ACAP3: variants seen among roughly 807,000 people sequenced by gnomAD.
The protein encoded by ACAP3 is arf-GAP with coiled-coil, ANK repeat and PH domain-containing protein 3.
In ACAP3, 56 loss-of-function variants were observed where a neutral mutation model predicts 104.1. That is an observed-to-expected ratio of 0.54 (90% CI 0.43 to 0.67). The LOEUF is 0.67. Among genes scored for constraint, ACAP3 ranks in the 30% least tolerant of loss-of-function variants. The pLI is 0.00. For synonymous variants in ACAP3, 628 were observed against 496.2 expected, an observed-to-expected ratio of 1.27 and a Z score of -3.53; for missense variants, 1,208 against 1,174.9, an observed-to-expected ratio of 1.03 and a Z score of -0.41.
At chr1:1,304,187 C>T (rs1018614338) in intron 1 of ACAP3, 44 bp from the exon 2 acceptor site, 4 of 1,549,366 alleles carry the variant, frequency 2.6e-6, no homozygotes, top group Non-Finnish European at 2.6e-6. Flanking sequence ...GCAGCCTCAG[C>T]CCCCTCGGGG....
Position 1,293,437 on chromosome 1 carries a change from A to G in ACAP3, c.*127T>C, listed in dbSNP as rs2100376385. The stretch of plus-strand genomic sequence containing the variant: ...TGGGCGAGCAGGGCCGCGGCGCCCC[A>G]GCACTGGGGCTGCCAGGTATCGACC... On this transcript the variant is annotated 3_prime_UTR_variant, in exon 24 of 24. Transcript: ENST00000354700. 3.0e-6 allele frequency: 3 copies of G among 987,814 alleles called. No individual in the cohort carries two copies. Among genetic ancestry groups the G allele is most frequent in the Non-Finnish European group, 3.9e-6 (3 of 766,796 alleles). The allele number at this position is 987,814 out of a possible 1,614,324, so 61.2% of individuals were successfully genotyped here.
chr1:1,297,166 C>T (rs1270978868), intron 14 of ACAP3, among the ~76,000 whole-genome samples: 19 of 139,006 alleles, frequency 1.4e-4, no homozygotes, highest in Admixed American at 8.3e-4. Context: ...TGTGCACAGG[C>T]GCGGGGCAGG....
chr1:1,302,019 C>T lies in ACAP3; in HGVS notation c.307G>A (p.Val103Met), dbSNP rs367817509. Residue 103 changes from valine to methionine, a missense_variant, in exon 5 of 24, where the codon GTG (valine) becomes ATG (methionine). Transcript: ENST00000354700. ...ACAAAGCTCTGGAGCTGCTGCCGCA[C>T]GGACCTCTGGGCCTGGTCAAACAGG... ...MILFDQAQRS[V>M]RQQLQSFVKE... is the part of the protein sequence containing the mutation. The T allele has an allele frequency of 5.1e-6, 8 of 1,572,014 alleles. No individual in the cohort carries two copies. The highest frequency in any genetic ancestry group is 2.3e-5 in the South Asian group (2 of 86,858).
At position 1,294,712 on chromosome 1, in the gene ACAP3, A is replaced by C. The variant is rs1297667777; in HGVS notation, c.1912+6T>G. Reference sequence around the variant, plus strand: ...GGGCCTCGGGCGAGGGCAAGACGCCACCCACCCTCCTCAGTGACGCTGTCC... The same window carrying C: ...GGGCCTCGGGCGAGGGCAAGACGCCCCCCACCCTCCTCAGTGACGCTGTCC... On this transcript the variant is annotated splice_donor_region_variant and intron_variant, in intron 20 of 23. Coordinates refer to ENST00000354700, the MANE Select transcript of ACAP3 (RefSeq NM_030649.3). 1 of 1,549,256 alleles carries C rather than the reference A, an allele frequency of 6.5e-7. No homozygotes were observed. Among genetic ancestry groups the C allele is most frequent in the South Asian group, 1.2e-5 (1 of 84,018 alleles).
chr1:1,303,126 C>T lies in ACAP3; in HGVS notation c.225+36G>A. Reference sequence around the variant, plus strand: ...CTGCCTCCCTCGGCCTCTCCCCCAACCCCACCTTGAGGTCAGAGGTCAGTC... The same window carrying T: ...CTGCCTCCCTCGGCCTCTCCCCCAATCCCACCTTGAGGTCAGAGGTCAGTC... On this transcript the variant is annotated intron_variant, in intron 3 of 23. Transcript: ENST00000354700. The surrounding 1 kb of genome is among the most constrained non-coding windows in gnomAD (Gnocchi z 4.0). 3.2e-6 allele frequency: 5 copies of T among 1,572,868 alleles called. No homozygotes were observed. Among genetic ancestry groups the T allele is most frequent in the Non-Finnish European group, 4.3e-6 (5 of 1,159,584 alleles).
chr1:1,306,247 T>C (rs1641688488), intron 1 of ACAP3, among the ~76,000 whole-genome samples: 1 of 151,568 alleles, frequency 6.6e-6, no homozygotes, highest in Admixed American at 6.6e-5. Flanking sequence ...CAGAGGTGAG[T>C]GGGTTCCAGC....
intron 1 of ACAP3, 33 bp from the exon 2 acceptor site, chr1:1,304,176 T>C (rs1345512108): frequency 6.5e-7 from 1 of 1,549,936 alleles, no homozygotes; most frequent in Admixed American, 2.0e-5. Flanking sequence ...TGGGGTCACC[T>C]GCAGCCTCAG....
At position 1,298,650 on chromosome 1, in the gene ACAP3, C is replaced by A; in HGVS notation, c.780G>T (p.Glu260Asp). The A allele has an allele frequency of 6.2e-7, 1 of 1,612,404 alleles. No individual in the cohort carries two copies. Among genetic ancestry groups the A allele is most frequent in the South Asian group, 1.1e-5 (1 of 91,072 alleles). ...CCCCACTGGGCGCGTCCACGTCAAA[C>A]TCCACTTTGGACTCATCGTAGGAGA... ...QDFSYDESKV[E>D]FDVDAPSGVV... is the part of the protein sequence containing the mutation. Residue 260 changes from glutamate to aspartate, a missense_variant, in exon 11 of 24, where the codon GAG becomes GAT. Glu to Asp is a conservative substitution (Grantham distance 45). Coordinates refer to ENST00000354700, the MANE Select transcript of ACAP3 (RefSeq NM_030649.3).
chr1:1,294,654 A>G, intron 20 of ACAP3, 26 bp from the exon 21 acceptor site: 1 of 1,533,356 alleles, frequency 6.5e-7, no homozygotes, highest in Non-Finnish European at 8.8e-7. Context: ...GGTCAGGGAA[A>G]GCAACCCCCG....
intron 19 of ACAP3, 53 bp downstream of exon 19, chr1:1,295,394 G>A: frequency 6.5e-7 from 1 of 1,548,082 alleles, no homozygotes; most frequent in Non-Finnish European, 8.9e-7. Context: ...CACCCTTCAG[G>A]CCAGCCTCCT....
rs750106673 is a variant in ACAP3, at chr1:1,297,933, C to T, written c.1017G>A (p.Lys339=). Residue 339 remains lysine (K), a splice_region_variant and synonymous_variant, in exon 14 of 24, where the codon AAG becomes AAA. Transcript: ENST00000354700. The part of the protein sequence containing the change: ...RFCFEVLSPT[K]SCMLQADSEK... ...CGGAGTCAGCCTGCAGCATGCAGCT[C>T]CTGCAGGCAGTGGAGGGGCGGGCGT... 1.2e-6 allele frequency: 2 copies of T among 1,611,760 alleles called. No individual in the cohort carries two copies. Among genetic ancestry groups the T allele is most frequent in the South Asian group, 2.2e-5 (2 of 91,044 alleles).
chr1:1,303,279 C>G lies in ACAP3; in HGVS notation c.108G>C (p.Leu36=), dbSNP rs1641532251. 6.3e-7 allele frequency: 1 copy of G among 1,582,182 alleles called. No individual in the cohort carries two copies. Among genetic ancestry groups the G allele is most frequent in the Non-Finnish European group, 8.6e-7 (1 of 1,165,356 alleles). The change falls in exon 3 of 24, where the codon CTG becomes CTC. Residue 36 remains leucine (L), a splice_region_variant and synonymous_variant. Transcript: ENST00000354700. The surrounding 1 kb of genome is among the most constrained non-coding windows in gnomAD (Gnocchi z 4.0). The part of the protein sequence containing the change: ...VVEIEAKLDK[L]VKLCSGMVEA... ...CCACCATGCCACTGCACAGCTTCAC[C>G]AGCTGTGGGCCAGCGGGGCGTGGTG...
In ACAP3 at chr1:1,296,104, C is replaced by T; in HGVS notation, c.1413G>A (p.Met471Ile). The T allele has an allele frequency of 6.2e-7, 1 of 1,612,768 alleles. No homozygotes were observed. Among genetic ancestry groups the T allele is most frequent in the East Asian group, 2.2e-5 (1 of 44,876 alleles). ...TCACAGCGCTGTTTCCAAGCTCACA[C>T]ATCAGCTAGCGGGAGACAGGGCGAG... is the stretch of plus-strand genomic sequence containing the variant. Reference protein sequence around the residue: ...DSWEPELLKLMCELGNSAVNQ... With the variant: ...DSWEPELLKLICELGNSAVNQ... Residue 471 changes from methionine (M) to isoleucine (I), a missense_variant, in exon 17 of 24, where the codon ATG (methionine) becomes ATA (isoleucine). Coordinates refer to ENST00000354700, the MANE Select transcript of ACAP3 (RefSeq NM_030649.3).
rs1187128536 is a variant in ACAP3, at chr1:1,301,466, T to C, written c.338+522A>G. On this transcript the variant is annotated intron_variant, in intron 5 of 23. Transcript: ENST00000354700. ...TTTTTTTGTAGAGATGGAGGTCTCATTACGTTGCCCAGGCTGGTCTCAAAC... is the reference window on the plus strand; with the variant it reads ...TTTTTTTGTAGAGATGGAGGTCTCACTACGTTGCCCAGGCTGGTCTCAAAC... 4 of 142,692 alleles carry C rather than the reference T, an allele frequency of 2.8e-5. No homozygotes were observed. In the East Asian group the frequency reaches 8.5e-4, roughly 30 times the overall value. 8.8% of individuals were successfully genotyped at this position (142,692 alleles called of 1,614,324 possible).
At chr1:1,304,464 C>G in intron 1 of ACAP3, 1 of 490,538 alleles carries the variant, frequency 2.0e-6, no homozygotes, top group East Asian at 3.8e-5. Context: ...CAGCCTCACC[C>G]GCCTCTCCTC....
chr1:1,304,287 G>A (rs917933102), intron 1 of ACAP3, 144 bp from the exon 2 acceptor site: 60 of 1,013,762 alleles, frequency 5.9e-5, no homozygotes, highest in Middle Eastern at 2.3e-4. Flanking sequence ...TGCCTGCTAC[G>A]GGGGCAGGAC....
intron 6 of ACAP3, 67 bp from the exon 7 acceptor site, chr1:1,300,269 T>G (rs1376499350): frequency 6.6e-7 from 1 of 1,522,454 alleles, no homozygotes; most frequent in Non-Finnish European, 8.8e-7. Flanking sequence ...GCACCTGCCA[T>G]AGAGTCCACC....
chr1:1,304,469 C>T, intron 1 of ACAP3: 3 of 483,168 alleles, frequency 6.2e-6, no homozygotes, highest in Non-Finnish European at 1.1e-5. Flanking sequence ...TCACCCGCCT[C>T]TCCTCTAGGA....
At position 1,293,562 on chromosome 1, in the gene ACAP3, C is replaced by T. The variant is rs758015330; in HGVS notation, c.*2G>A. On this transcript the variant is annotated 3_prime_UTR_variant, in exon 24 of 24. Transcript: ENST00000354700. The stretch of plus-strand genomic sequence containing the variant: ...GGTGGCAGCTGCCCGGCCTGCCCGG[C>T]CCTAGCTCTCTTCCAGGTGGAGGCT... The T allele has an allele frequency of 1.3e-5, 19 of 1,482,572 alleles. No homozygotes were observed. In the South Asian group the frequency reaches 2.2e-4, roughly 17 times the overall value. The allele number at this position is 1,482,572 out of a possible 1,614,324, so 91.8% of individuals were successfully genotyped here.
Sources: allele counts gnomAD v4.1 joint callset (sites outside exome capture counted in the v4.1 genomes callset), GRCh38; gene constraint gnomAD v4.1.1; non-coding constraint Gnocchi (gnomAD v3.1); transcripts MANE v1.5; gene names NCBI Gene and HGNC (gene_info 2026-07-23, HGNC 2026-07-21).